Variants in NFKB1 observed in about 807,000 individuals in gnomAD.
The protein encoded by NFKB1 is nuclear factor NF-kappa-B p105 subunit.
Under a neutral mutation model 105.1 loss-of-function variants are expected in NFKB1, and 9 were observed. The observed-to-expected ratio is 0.09, with a 90% CI of 0.05 to 0.15. NFKB1 has a LOEUF of 0.15. Ranked by LOEUF, NFKB1 falls within the 10% of genes least tolerant of loss-of-function variation. The pLI, the probability that NFKB1 is intolerant of heterozygous loss-of-function variation, is 1.00. For missense variants in NFKB1, 830 were observed against 1,203.7 expected (o/e 0.69, Z 4.59); for synonymous variants, 440 against 442.2 (o/e 1.00, Z 0.06).
At chr4:102,514,123 C>T (rs544528753) in intron 1 of NFKB1, among the ~76,000 whole-genome samples, 1 of 151,314 alleles carries the variant, frequency 6.6e-6, no homozygotes, top group African/African-American at 2.4e-5. Flanking sequence ...TGCAGTGAGC[C>T]GAGATGGCGC....
chr4:102,589,758 C>T (rs1292091630), intron 11 of NFKB1, among the ~76,000 whole-genome samples: 1 of 151,912 alleles, frequency 6.6e-6, no homozygotes, highest in African/African-American at 2.4e-5. Flanking sequence ...AAAAGAATAC[C>T]TCATTGACTG....
chr4:102,544,540 C>T (rs1440146623), intron 5 of NFKB1, among the ~76,000 whole-genome samples: 1 of 152,164 alleles, frequency 6.6e-6, no homozygotes, highest in Non-Finnish European at 1.5e-5. Context: ...ATTGATTGAG[C>T]ACTGTGTGTC....
chr4:102,615,450 A>AG (rs1728859277), intron 23 of NFKB1, among the ~76,000 whole-genome samples: 1 of 152,198 alleles, frequency 6.6e-6, no homozygotes, highest in African/African-American at 2.4e-5. Context: ...TCACCCTGCC[A>AG]GGGGGCCTTC....
chr4:102,605,397 G>A (rs1434280698), intron 16 of NFKB1, among the ~76,000 whole-genome samples: 1 of 152,188 alleles, frequency 6.6e-6, no homozygotes, highest in East Asian at 1.9e-4. Flanking sequence ...ACAGCTAGGA[G>A]GTTGGTGGCT....
chr4:102,537,344 T>C (rs556683582), intron 4 of NFKB1, among the ~76,000 whole-genome samples: 1 of 152,272 alleles, frequency 6.6e-6, no homozygotes, highest in Non-Finnish European at 1.5e-5. Flanking sequence ...AGATGCAGGG[T>C]CTAGCACAGG....
chr4:102,564,349 G>A (rs1723682697), intron 5 of NFKB1, among the ~76,000 whole-genome samples: 1 of 152,250 alleles, frequency 6.6e-6, no homozygotes, highest in South Asian at 2.1e-4. Context: ...TCTCCCCCAT[G>A]TTAGAGTGCC....
At chr4:102,502,778 G>A (rs1353415275) in intron 1 of NFKB1, among the ~76,000 whole-genome samples, 1 of 152,114 alleles carries the variant, frequency 6.6e-6, no homozygotes, top group African/African-American at 2.4e-5. Context: ...CAGCATTACA[G>A]TTTATGAAAT....
chr4:102,568,717 A>T (rs1724074332), intron 6 of NFKB1, among the ~76,000 whole-genome samples: 1 of 152,146 alleles, frequency 6.6e-6, no homozygotes, highest in Non-Finnish European at 1.5e-5. Context: ...ATCTTTCAGG[A>T]TTTTAGAAAG....
chr4:102,549,175 C>T (rs761383643), intron 5 of NFKB1, among the ~76,000 whole-genome samples: 1 of 151,908 alleles, frequency 6.6e-6, no homozygotes, highest in Non-Finnish European at 1.5e-5. Flanking sequence ...TCTCATGTGT[C>T]ATTTATCGAG....
At position 102,582,975 on chromosome 4, in the gene NFKB1, A is replaced by G. The variant is rs752809849; in HGVS notation, c.927+18A>G. 2 of 1,526,268 alleles carry G rather than the reference A, an allele frequency of 1.3e-6. No homozygotes were observed. The highest frequency in any genetic ancestry group is 1.7e-4 in the Middle Eastern group (1 of 5,876). The allele number at this position is 1,526,268 out of a possible 1,614,324, so 94.5% of individuals were successfully genotyped here. A position where few individuals can be genotyped will look rare whatever the true frequency, so the allele number is the denominator to read the frequency against. On this transcript the variant is annotated intron_variant, in intron 10 of 23. Coordinates refer to ENST00000226574, the MANE Select transcript of NFKB1 (RefSeq NM_003998.4). ...ATAGACAAGTAAGTGATTTATTATT[A>G]TTATTAATCCTTATTATTTTTAGAG...
intron 5 of NFKB1, among the ~76,000 whole-genome samples, chr4:102,566,543 T>A (rs562985916): frequency 4.2e-4 from 64 of 152,320 alleles, no homozygotes; most frequent in Admixed American, 3.6e-3. Context: ...ATGGACTGTT[T>A]CTGCTTACCT....
At chr4:102,567,581 C>T (rs903959582) in intron 6 of NFKB1, among the ~76,000 whole-genome samples, 2 of 152,168 alleles carry the variant, frequency 1.3e-5, no homozygotes, top group Admixed American at 1.3e-4. Flanking sequence ...ATATGTAGGG[C>T]TTTAAGTGAA....
At chr4:102,548,558 C>T (rs62328552) in intron 5 of NFKB1, among the ~76,000 whole-genome samples, 1 of 152,166 alleles carries the variant, frequency 6.6e-6, no homozygotes, top group Non-Finnish European at 1.5e-5. Flanking sequence ...TCACTGCCAG[C>T]TGCCATAACA....
intron 1 of NFKB1, chr4:102,502,073 G>A (rs2926005): frequency 0.052 from 7,928 of 152,444 alleles, 280 homozygotes; most frequent in Non-Finnish European, 0.076. Context: ...ACGCGAACCG[G>A]AGGGGAACTC....
chr4:102,505,537 A>G (rs1167647187), intron 1 of NFKB1, among the ~76,000 whole-genome samples: 3 of 152,162 alleles, frequency 2.0e-5, no homozygotes, highest in Non-Finnish European at 4.4e-5. Context: ...ATCTTTCACC[A>G]TTAATCCAGA....
chr4:102,584,560 TACACTGTGTCTAA>T, intron 10 of NFKB1, 109 bp from the exon 11 acceptor site: 1 of 926,594 alleles, frequency 1.1e-6, no homozygotes, highest in Non-Finnish European at 1.5e-6. Context: ...TGTTTTTTAG[TACACTGTGTCTAA>T]ACATTGGGTA....
intron 5 of NFKB1, among the ~76,000 whole-genome samples, chr4:102,544,157 C>T (rs1314126462): frequency 6.6e-6 from 1 of 151,278 alleles, no homozygotes; most frequent in Non-Finnish European, 1.5e-5. Flanking sequence ...AACTTTTTAT[C>T]ATATTTTCAA....
At chr4:102,533,302 A>C (rs1578730526) in intron 3 of NFKB1, among the ~76,000 whole-genome samples, 1 of 152,142 alleles carries the variant, frequency 6.6e-6, no homozygotes, top group Non-Finnish European at 1.5e-5. Flanking sequence ...GGGAACAGAA[A>C]ACCTAGTGTA....
At chr4:102,543,129 C>T (rs1358428594) in intron 5 of NFKB1, among the ~76,000 whole-genome samples, 1 of 152,142 alleles carries the variant, frequency 6.6e-6, no homozygotes, top group Non-Finnish European at 1.5e-5. Context: ...CAAGGAGTGC[C>T]AGGGAAGGCT....
Sources: allele counts gnomAD v4.1 joint callset (sites outside exome capture counted in the v4.1 genomes callset), GRCh38; gene constraint gnomAD v4.1.1; transcripts MANE v1.5; gene names NCBI Gene and HGNC (gene_info 2026-07-23, HGNC 2026-07-21).